The following RNLS variants were observed in gnomAD, a reference collection of about 807,000 sequenced individuals.
The protein encoded by RNLS is renalase, FAD dependent amine oxidase.
RNLS carries 39 observed loss-of-function variants against 39.8 expected under a neutral mutation model. That is an observed-to-expected ratio of 0.98 (90% CI 0.76 to 1.28). The LOEUF (loss-of-function observed/expected upper bound fraction) is 1.28. RNLS is among the 50% of genes most tolerant of loss of function. The pLI is 0.00. For synonymous variants in RNLS, 147 were observed against 150.7 expected (o/e 0.98, Z 0.18); for missense variants, 410 against 413.3 (o/e 0.99, Z 0.07).
intron 4 of RNLS, among the ~76,000 whole-genome samples, chr10:88,440,025 C>T (rs1841623317): frequency 6.6e-6 from 1 of 152,112 alleles, no homozygotes; most frequent in South Asian, 2.1e-4. Flanking sequence ...TCTGTCACTC[C>T]CACTAGATTA....
chr10:88,357,036 C>T (rs1849245551), intron 5 of RNLS, among the ~76,000 whole-genome samples: 1 of 152,218 alleles, frequency 6.6e-6, no homozygotes, highest in Non-Finnish European at 1.5e-5. Flanking sequence ...AGGCTGCATT[C>T]ACCTAAGTTA....
chr10:88,528,769 C>T (rs1335399907), intron 4 of RNLS, among the ~76,000 whole-genome samples: 3 of 151,072 alleles, frequency 2.0e-5, no homozygotes, highest in Non-Finnish European at 4.4e-5. Context: ...AGGAGAATTG[C>T]TTGAACCCAG....
At position 88,336,096 on chromosome 10, in the gene RNLS, C is replaced by T. The variant is rs77385073; in HGVS notation, c.701-21455G>A. 7.2e-3 allele frequency among the ~76,000 whole-genome samples: 1,097 copies of T among 152,254 alleles called. 13 individuals are homozygous for T. Among genetic ancestry groups the T allele is most frequent in the African/African-American group, 0.025 (1,038 of 41,528 alleles). ...TCAGCAGTACTGGACAAAGCTATGA[C>T]ACATTTAGAATCTGACAGCATTGAA... On this transcript the variant is annotated intron_variant, in intron 5 of 6. Coordinates refer to ENST00000331772, the MANE Select transcript of RNLS (RefSeq NM_001031709.3).
intron 4 of RNLS, among the ~76,000 whole-genome samples, chr10:88,441,080 A>G (rs1436650275): frequency 1.3e-5 from 2 of 152,242 alleles, no homozygotes; most frequent in Non-Finnish European, 2.9e-5. Context: ...GTTATAAATA[A>G]TAGATATTTC....
At chr10:88,543,267 T>G (rs1003002295) in intron 4 of RNLS, among the ~76,000 whole-genome samples, 7 of 152,096 alleles carry the variant, frequency 4.6e-5, no homozygotes, top group African/African-American at 1.7e-4. Context: ...CCAGCCCCCA[T>G]TTTCATCCAC....
At position 88,531,955 on chromosome 10, in the gene RNLS, G is replaced by C. The variant is rs541989069; in HGVS notation, c.526+40948C>G. 2.6e-5 allele frequency among the ~76,000 whole-genome samples: 4 copies of C among 152,154 alleles called. No homozygotes were observed. In the South Asian group the frequency reaches 8.3e-4, roughly 32 times the overall value. ...AAATATTGAGTAATCCCTACAATTA[G>C]ATGAGGCAGAACTACCTAATCTTGC... On this transcript the variant is annotated intron_variant, in intron 4 of 6. Coordinates refer to ENST00000331772, the MANE Select transcript of RNLS (RefSeq NM_001031709.3).
At chr10:88,487,540 C>T (rs539516894) in intron 4 of RNLS, among the ~76,000 whole-genome samples, 2 of 152,274 alleles carry the variant, frequency 1.3e-5, no homozygotes, top group Middle Eastern at 3.4e-3. Flanking sequence ...TACCACTACA[C>T]ACTCGTTAAA....
chr10:88,231,768 A>C, the RNLS span, among the ~76,000 whole-genome samples: 4 of 152,234 alleles, frequency 2.6e-5, no homozygotes, highest in Admixed American at 1.3e-4. Flanking sequence ...AAGATCAAGC[A>C]CTAGGCAGAC....
At chr10:88,269,068 G>A (rs1842578216), downstream of RNLS, among the ~76,000 whole-genome samples, 1 of 152,206 alleles carries the variant, frequency 6.6e-6, no homozygotes, top group Non-Finnish European at 1.5e-5. Context: ...ACTAGAGTCA[G>A]AAAATTGCTG....
the RNLS span, among the ~76,000 whole-genome samples, chr10:88,187,198 T>TATATATAACATATATATA: frequency 8.0e-4 from 11 of 13,824 alleles, no homozygotes; most frequent in Middle Eastern, 0.031. Context: ...ATATATATAA[T>TATATATAACATATATATA]ATATATATAA....
At chr10:88,289,421 A>G (rs534879687) in intron 6 of RNLS, among the ~76,000 whole-genome samples, 1 of 152,218 alleles carries the variant, frequency 6.6e-6, no homozygotes, top group Non-Finnish European at 1.5e-5. Context: ...GTGATGTTGC[A>G]TTATTCCTCC....
intron 4 of RNLS, among the ~76,000 whole-genome samples, chr10:88,485,307 C>CTA (rs920790650): frequency 2.0e-5 from 3 of 151,418 alleles, no homozygotes; most frequent in African/African-American, 4.8e-5. Flanking sequence ...GGAAATAGAC[C>CTA]TATATATATA....
At chr10:88,463,719 A>T (rs1202593364) in intron 4 of RNLS, among the ~76,000 whole-genome samples, 3 of 151,994 alleles carry the variant, frequency 2.0e-5, no homozygotes, top group African/African-American at 4.8e-5. Context: ...ATAATAAATA[A>T]TTTTTTTCAA....
At chr10:88,226,261 G>C in the RNLS span, among the ~76,000 whole-genome samples, 1 of 152,122 alleles carries the variant, frequency 6.6e-6, no homozygotes. Flanking sequence ...TGCAACCCTT[G>C]GTTATCTAGC....
intron 4 of RNLS, among the ~76,000 whole-genome samples, chr10:88,449,683 G>A (rs529900378): frequency 1.2e-4 from 19 of 152,108 alleles, no homozygotes; most frequent in African/African-American, 4.1e-4. Flanking sequence ...CTGCCCTAAG[G>A]AATCTTAAAT....
At chr10:88,280,966 G>T (rs1421818490), downstream of RNLS, among the ~76,000 whole-genome samples, 1 of 152,126 alleles carries the variant, frequency 6.6e-6, no homozygotes, top group Non-Finnish European at 1.5e-5. Context: ...TCCTTAGCAG[G>T]CTCTTTTGTG....
At chr10:88,485,180 GAACA>G (rs1478292155) in intron 4 of RNLS, among the ~76,000 whole-genome samples, 1 of 151,838 alleles carries the variant, frequency 6.6e-6, no homozygotes, top group Non-Finnish European at 1.5e-5. Context: ...CAAGAAGAAA[GAACA>G]AACTTGGAAG....
intron 4 of RNLS, among the ~76,000 whole-genome samples, chr10:88,568,051 C>T (rs1849614155): frequency 6.6e-6 from 1 of 152,180 alleles, no homozygotes. Context: ...GAGGTACCCT[C>T]TACAATTCAA....
At chr10:88,466,468 C>T (rs1463517520) in intron 4 of RNLS, among the ~76,000 whole-genome samples, 3 of 152,082 alleles carry the variant, frequency 2.0e-5, no homozygotes, top group African/African-American at 7.2e-5. Flanking sequence ...TTAACATAGA[C>T]ATATGACAGA....
Sources: allele counts gnomAD v4.1 joint callset (sites outside exome capture counted in the v4.1 genomes callset), GRCh38; gene constraint gnomAD v4.1.1; transcripts MANE v1.5; gene names NCBI Gene and HGNC (gene_info 2026-07-23, HGNC 2026-07-21).